B9D1: variants seen among roughly 807,000 people sequenced by gnomAD.
B9D1 encodes B9 domain-containing protein 1.
Under a neutral mutation model 26.1 loss-of-function variants are expected in B9D1, and 20 were observed. That is an observed-to-expected ratio of 0.77 (90% CI 0.54 to 1.12). The LOEUF is 1.12. Ranked by LOEUF, B9D1 falls within the 50% of genes most tolerant of loss-of-function variation. B9D1 has a pLI of 0.00. For missense variants in B9D1, 260 were observed against 273.7 expected (o/e 0.95, Z 0.35); for synonymous variants, 105 against 103.1 (o/e 1.02, Z -0.11).
chr17:19,357,522 G>T, intron 3 of B9D1: 1 of 419,082 alleles, frequency 2.4e-6, no homozygotes, highest in East Asian at 5.2e-5. Flanking sequence ...ACAGAGTCAG[G>T]CCTCCAGGCC....
chr17:19,376,143 G>C (rs934079672), intron 1 of B9D1, among the ~76,000 whole-genome samples: 1 of 152,186 alleles, frequency 6.6e-6, no homozygotes, highest in African/African-American at 2.4e-5. Context: ...CATTAGTATA[G>C]AGCATCCACA....
chr17:19,335,360 G>A (rs545092871), downstream of B9D1: 127 of 1,538,742 alleles, frequency 8.3e-5, 1 homozygote, highest in East Asian at 3.1e-3. Context: ...ATGTATGAAT[G>A]TGACTCACCA....
chr17:19,358,536 C>T (rs1293583456), intron 2 of B9D1, among the ~76,000 whole-genome samples: 1 of 152,224 alleles, frequency 6.6e-6, no homozygotes, highest in Non-Finnish European at 1.5e-5. Context: ...ACCAACATTG[C>T]TAGATCCAAT....
intron 1 of B9D1, among the ~76,000 whole-genome samples, chr17:19,368,274 G>A (rs2152282556): frequency 6.6e-6 from 1 of 152,358 alleles, no homozygotes; most frequent in South Asian, 2.1e-4. Flanking sequence ...CTCCTGTTAA[G>A]TCATTTGAAG....
chr17:19,344,014 C>T (rs906805466), intron 5 of B9D1, among the ~76,000 whole-genome samples, 157 bp from the exon 6 acceptor site: 9 of 152,230 alleles, frequency 5.9e-5, no homozygotes, highest in Admixed American at 4.6e-4. Flanking sequence ...CAGAGCCTTC[C>T]CAGTGGCTGG....
chr17:19,369,549 C>A (rs2061217823), intron 1 of B9D1, among the ~76,000 whole-genome samples: 1 of 152,078 alleles, frequency 6.6e-6, no homozygotes, highest in Non-Finnish European at 1.5e-5. Context: ...GATCACCCAG[C>A]GCCTGAGTGG....
At chr17:19,338,105 G>A (rs925838235), downstream of B9D1, among the ~76,000 whole-genome samples, 1 of 152,194 alleles carries the variant, frequency 6.6e-6, no homozygotes, top group African/African-American at 2.4e-5. Context: ...TATGATCTGT[G>A]CCCTTCCCCC....
At chr17:19,340,358 G>GA (rs1907824733), downstream of B9D1, among the ~76,000 whole-genome samples, 1 of 151,672 alleles carries the variant, frequency 6.6e-6, no homozygotes, top group Non-Finnish European at 1.5e-5. Context: ...TTTTAGTAGA[G>GA]ACGGGGTTTC....
chr17:19,376,624 C>CAAAAAAA (rs56972267), intron 1 of B9D1, among the ~76,000 whole-genome samples: 9 of 48,956 alleles, frequency 1.8e-4, no homozygotes, highest in Admixed American at 3.7e-4. Context: ...TACTAAAATA[C>CAAAAAAA]AAAAAAAAAA....
chr17:19,335,436 A>C, downstream of B9D1: 1 of 1,550,194 alleles, frequency 6.5e-7, no homozygotes, highest in Non-Finnish European at 8.7e-7. Context: ...TTCTGTTTAC[A>C]ATGGAAATCT....
At chr17:19,340,279 T>C (rs979161515), downstream of B9D1, among the ~76,000 whole-genome samples, 1 of 151,978 alleles carries the variant, frequency 6.6e-6, no homozygotes, top group African/African-American at 2.4e-5. Context: ...CAAGCGATTC[T>C]CCTGCCTCAG....
intron 1 of B9D1, among the ~76,000 whole-genome samples, chr17:19,368,715 C>T (rs1248658169): frequency 6.6e-6 from 1 of 152,088 alleles, no homozygotes; most frequent in Non-Finnish European, 1.5e-5. Flanking sequence ...GAGGCTGGGG[C>T]AGGAGGATCA....
upstream of B9D1, chr17:19,362,947 CGAAT>C (rs1419560522): frequency 5.2e-5 from 19 of 364,250 alleles, no homozygotes; most frequent in Admixed American, 7.1e-4. Flanking sequence ...AGCGCAGAGG[CGAAT>C]GAGAGCTGAG....
rs538926264 is a variant in B9D1 at position 19,372,994 on chromosome 17, G to A, written c.-298+4865C>T. Among the ~76,000 whole-genome samples the A allele has an allele frequency of 1.5e-4, 23 of 152,248 alleles. No individual in the cohort carries two copies. Among genetic ancestry groups the A allele is most frequent in the African/African-American group, 5.1e-4 (21 of 41,546 alleles). On this transcript the variant is annotated intron_variant, in intron 1 of 5. Transcript: ENST00000477478. This position sits in a 1 kb window ranked among gnomAD's most constrained non-coding sequence, Gnocchi z 4.4. ...GTGGGGAAATGGCCCTCATCCATAC[G>A]TGGTCTGAGGAGTTTGGCTGAGCCG...
chr17:19,353,632 ACTT>A (rs1173663095), intron 3 of B9D1, among the ~76,000 whole-genome samples: 3 of 150,198 alleles, frequency 2.0e-5, no homozygotes, highest in South Asian at 4.2e-4. Flanking sequence ...CAAAAACGAG[ACTT>A]CATTTCAAAA....
chr17:19,340,033 A>ACCCCCCCCCCCC (rs56279237), downstream of B9D1, among the ~76,000 whole-genome samples: 6 of 110,584 alleles, frequency 5.4e-5, no homozygotes, highest in Admixed American at 1.1e-4. Context: ...CACATGCCCA[A>ACCCCCCCCCCCC]CCCCCCCCCC....
At chr17:19,375,096 C>T (rs1470804476) in intron 1 of B9D1, among the ~76,000 whole-genome samples, 2 of 151,980 alleles carry the variant, frequency 1.3e-5, no homozygotes, top group Non-Finnish European at 1.5e-5. Flanking sequence ...TCAAGACTAG[C>T]CTGGCCAACA....
At chr17:19,335,578 C>G, downstream of B9D1, 2 of 1,114,596 alleles carry the variant, frequency 1.8e-6, no homozygotes, top group Non-Finnish European at 2.5e-6. Flanking sequence ...TGCTTCTGTG[C>G]CCACGGGTCC....
At chr17:19,337,732 G>C (rs1907567236), downstream of B9D1, 1 of 1,535,058 alleles carries the variant, frequency 6.5e-7, no homozygotes, top group Non-Finnish European at 8.7e-7. Flanking sequence ...ATCTTTGACA[G>C]ACAGCCCTGA....
Sources: allele counts gnomAD v4.1 joint callset (sites outside exome capture counted in the v4.1 genomes callset), GRCh38; gene constraint gnomAD v4.1.1; non-coding constraint Gnocchi (gnomAD v3.1); transcripts MANE v1.5; gene names NCBI Gene and HGNC (gene_info 2026-07-23, HGNC 2026-07-21).